The following WASHC5 variants were observed in gnomAD, a reference collection of about 807,000 sequenced individuals.
The protein encoded by WASHC5 is WASH complex subunit strumpellin.
Under a neutral mutation model 150.4 loss-of-function variants are expected in WASHC5, and 101 were observed. The observed-to-expected ratio is 0.67, with a 90% CI of 0.57 to 0.79. The LOEUF (loss-of-function observed/expected upper bound fraction) is 0.79. Among genes scored for constraint, WASHC5 ranks in the 30% least tolerant of loss-of-function variants. The pLI is 0.00. For missense variants in WASHC5, 1,195 were observed against 1,396.3 expected (o/e 0.86, Z 2.30); for synonymous variants, 467 against 491.2 (o/e 0.95, Z 0.65).
intron 25 of WASHC5, among the ~76,000 whole-genome samples, chr8:125,037,628 G>A (rs970987006): frequency 7.9e-5 from 12 of 152,088 alleles, no homozygotes; most frequent in Non-Finnish European, 1.2e-4. Context: ...AATGAGTGAT[G>A]AGCAAGAATG....
chr8:125,079,895 T>C (rs558776573), intron 5 of WASHC5, among the ~76,000 whole-genome samples: 1 of 152,300 alleles, frequency 6.6e-6, no homozygotes, highest in African/African-American at 2.4e-5. Context: ...TCAGAGCTCT[T>C]TGGATTTGAA....
At position 125,039,848 on chromosome 8, in the gene WASHC5, ATAATT is replaced by A. The variant is rs777800320; in HGVS notation, c.2896_2900del (p.Asn966PhefsTer5). 69 of 1,613,970 alleles carry A rather than the reference ATAATT, an allele frequency of 4.3e-5. No individual in the cohort carries two copies. The highest frequency in any genetic ancestry group is 5.7e-5 in the Non-Finnish European group (67 of 1,179,976). On this transcript the variant is annotated frameshift_variant, in exon 24 of 29. Transcript: ENST00000318410. LOFTEE classifies it high-confidence loss of function. ...GATGTTTAGAATCAAACCGACAAGA[ATAATT>A]TAATTCATTGGCAATCTGTTGTCTC...
chr8:125,085,229 G>C (rs1440831821), intron 1 of WASHC5, among the ~76,000 whole-genome samples: 1 of 152,198 alleles, frequency 6.6e-6, no homozygotes, highest in Non-Finnish European at 1.5e-5. Flanking sequence ...TTAATTGTCA[G>C]TATGGAGCAT....
Position 125,050,597 on chromosome 8 carries a change from C to T in WASHC5, c.2166G>A (p.Leu722=), listed in dbSNP as rs763324557. The change falls in exon 18 of 29, where the codon CTG becomes CTA. Residue 722 remains leucine (L), a synonymous_variant. Coordinates refer to ENST00000318410, the MANE Select transcript of WASHC5 (RefSeq NM_014846.4). ...GAGGGTTGAATATCAGTCCCCTATG[C>T]AGGGCAAAGGCAACGCGCTTCACAA... is the stretch of plus-strand genomic sequence containing the variant. ...KELVKRVAFA[L]HRGLIFNPRA... is the part of the protein sequence containing the mutation. The T allele has an allele frequency of 6.2e-7, 1 of 1,614,148 alleles. No homozygotes were observed. The highest frequency in any genetic ancestry group is 8.5e-7 in the Non-Finnish European group (1 of 1,179,996).
intron 3 of WASHC5, 125 bp downstream of exon 3, chr8:125,082,988 T>C: frequency 1.5e-6 from 1 of 663,678 alleles, no homozygotes; most frequent in Non-Finnish European, 2.6e-6. Context: ...AAAAGACAAC[T>C]ATATACAGTA....
At position 125,043,811 on chromosome 8, in the gene WASHC5, C is replaced by T; in HGVS notation, c.2850+14G>A. ...TGTAAGTATTGACTGTACACCCTCT[C>T]TTCTACAACATACCTTCATTATAGC... On this transcript the variant is annotated intron_variant, in intron 23 of 28. Transcript: ENST00000318410. 6.3e-7 allele frequency: 1 copy of T among 1,582,744 alleles called. No homozygotes were observed. The highest frequency in any genetic ancestry group is 1.3e-5 in the African/African-American group (1 of 74,428).
intron 5 of WASHC5, among the ~76,000 whole-genome samples, chr8:125,079,857 G>GT (rs1207365840): frequency 6.6e-6 from 1 of 152,278 alleles, no homozygotes; most frequent in East Asian, 1.9e-4. Flanking sequence ...CATGTGTGTT[G>GT]TGTGTATACT....
At chr8:125,091,178 G>A (rs1168066584) in intron 1 of WASHC5, among the ~76,000 whole-genome samples, 1 of 151,970 alleles carries the variant, frequency 6.6e-6, no homozygotes, top group East Asian at 1.9e-4. Flanking sequence ...GTATGTCACA[G>A]GTGAAGGCAT....
chr8:125,054,145 C>T (rs1265410500), intron 17 of WASHC5, among the ~76,000 whole-genome samples: 1 of 152,204 alleles, frequency 6.6e-6, no homozygotes, highest in Non-Finnish European at 1.5e-5. Context: ...AGACGTTCAT[C>T]ATGACATTGG....
At chr8:125,076,609 T>C in intron 6 of WASHC5, 109 bp from the exon 7 acceptor site, 1 of 1,321,878 alleles carries the variant, frequency 7.6e-7, no homozygotes, top group Non-Finnish European at 1.1e-6. Flanking sequence ...CCAAAGCCCA[T>C]CACCTTTCAG....
At chr8:125,061,899 G>A (rs922587433) in intron 11 of WASHC5, among the ~76,000 whole-genome samples, 1 of 152,184 alleles carries the variant, frequency 6.6e-6, no homozygotes, top group African/African-American at 2.4e-5. Flanking sequence ...CAGAGAGACT[G>A]AGAATGCTAT....
At chr8:125,027,855 T>C (rs1815416659) in intron 28 of WASHC5, among the ~76,000 whole-genome samples, 1 of 152,252 alleles carries the variant, frequency 6.6e-6, no homozygotes, top group South Asian at 2.1e-4. Context: ...ATTTCATTTC[T>C]TATTGTCTTG....
intron 19 of WASHC5, among the ~76,000 whole-genome samples, chr8:125,048,347 T>G (rs748373916): frequency 2.0e-5 from 3 of 152,240 alleles, no homozygotes; most frequent in Non-Finnish European, 4.4e-5. Flanking sequence ...TTGGCACTTA[T>G]GCATTTGGTA....
At chr8:125,085,804 A>T (rs1817402585) in intron 1 of WASHC5, among the ~76,000 whole-genome samples, 1 of 152,200 alleles carries the variant, frequency 6.6e-6, no homozygotes, top group African/African-American at 2.4e-5. Flanking sequence ...CAAATGAAAT[A>T]ACTCCTCGGA....
intron 17 of WASHC5, among the ~76,000 whole-genome samples, chr8:125,054,229 T>C (rs142446442): frequency 1.1e-3 from 167 of 152,284 alleles, no homozygotes; most frequent in African/African-American, 3.9e-3. Context: ...TATGCAGCAG[T>C]AAAAAGTAAC....
chr8:125,051,799 A>G (rs1816248682), intron 17 of WASHC5, among the ~76,000 whole-genome samples: 1 of 152,234 alleles, frequency 6.6e-6, no homozygotes, highest in South Asian at 2.1e-4. Flanking sequence ...AGGCAGGAGA[A>G]CTGCTTGAAC....
chr8:125,035,420 T>C (rs1815671714), intron 26 of WASHC5, among the ~76,000 whole-genome samples: 1 of 152,246 alleles, frequency 6.6e-6, no homozygotes, highest in Admixed American at 6.5e-5. Context: ...CAGTTCATTA[T>C]CAAGAATCAT....
chr8:125,055,382 C>T (rs1396446500), intron 17 of WASHC5, among the ~76,000 whole-genome samples: 2 of 151,858 alleles, frequency 1.3e-5, no homozygotes, highest in Non-Finnish European at 2.9e-5. Flanking sequence ...AAGATTGCAC[C>T]ACTGCACTCC....
Position 125,024,520 on chromosome 8 carries a change from T to C in WASHC5, c.*97A>G. The C allele has an allele frequency of 4.5e-6, 4 of 895,574 alleles. No homozygotes were observed. Among genetic ancestry groups the C allele is most frequent in the Non-Finnish European group, 5.7e-6 (3 of 529,180 alleles). 55.5% of individuals were successfully genotyped at this position (895,574 alleles called of 1,614,324 possible). A position where few individuals can be genotyped will look rare whatever the true frequency, so the allele number is the denominator to read the frequency against. On this transcript the variant is annotated 3_prime_UTR_variant, in exon 29 of 29. Coordinates refer to ENST00000318410, the MANE Select transcript of WASHC5 (RefSeq NM_014846.4). The stretch of plus-strand genomic sequence containing the variant: ...CCCATAATAGACAGAAAAAATGCAG[T>C]TGTATGAGCAACTGAGTTTCTTTTC...
Sources: gnomAD v4.1 joint callset for allele counts (sites outside exome capture counted in the v4.1 genomes callset) on GRCh38, gnomAD v4.1.1 for gene constraint, MANE v1.5 for transcripts, NCBI Gene and HGNC (gene_info 2026-07-23, HGNC 2026-07-21) for gene names.